GUCY2C: variants seen among roughly 807,000 people sequenced by gnomAD.
The protein encoded by GUCY2C is guanylate cyclase 2C, also known as guanylyl cyclase C.
Under a neutral mutation model 131.1 loss-of-function variants are expected in GUCY2C, and 118 were observed. The ratio of observed to expected loss-of-function variants is 0.90; its 90% CI spans 0.78 to 1.05. The LOEUF (loss-of-function observed/expected upper bound fraction) is 1.05. GUCY2C is among the 50% of genes least tolerant of loss of function. The pLI is 0.00. For synonymous variants in GUCY2C, 452 were observed against 457.8 expected (o/e 0.99, Z 0.16); for missense variants, 1,161 against 1,304.4 (o/e 0.89, Z 1.69).
intron 15 of GUCY2C, among the ~76,000 whole-genome samples, chr12:14,650,483 T>C (rs1434038838): frequency 2.0e-5 from 3 of 152,170 alleles, no homozygotes; most frequent in Admixed American, 6.5e-5. Context: ...CCTGACCTCA[T>C]GATCCGCCTG....
In GUCY2C at chr12:14,613,221, C is replaced by T. The variant is rs771413090; in HGVS notation, c.3118G>A (p.Ala1040Thr). The T allele has an allele frequency of 6.2e-7, 1 of 1,613,284 alleles. No individual in the cohort carries two copies. Among genetic ancestry groups the T allele is most frequent in the East Asian group, 2.2e-5 (1 of 44,866 alleles). ...IANSLQKRQA[A>T]GIRSQKPRRV... ...CTGGGTTTTTGGCTTCTTATCCCTGCTGCCTGTCTTTTCTGTAAAGAGTTG... is the reference window on the plus strand; with the variant it reads ...CTGGGTTTTTGGCTTCTTATCCCTGTTGCCTGTCTTTTCTGTAAAGAGTTG... The change falls in exon 27 of 27, where the codon GCA becomes ACA. Residue 1040 changes from alanine (A) to threonine (T), a missense_variant. Transcript: ENST00000261170. The surrounding 1 kb of genome is among the most constrained non-coding windows in gnomAD (Gnocchi z 4.9).
intron 10 of GUCY2C, among the ~76,000 whole-genome samples, chr12:14,662,086 C>T (rs1947879475): frequency 6.6e-6 from 1 of 151,944 alleles, no homozygotes; most frequent in East Asian, 1.9e-4. Context: ...GCAATGAATT[C>T]CCTATTAGGA....
intron 6 of GUCY2C, among the ~76,000 whole-genome samples, chr12:14,678,036 G>T (rs941240947): frequency 7.2e-5 from 11 of 152,084 alleles, no homozygotes; most frequent in Admixed American, 5.2e-4. Flanking sequence ...GGCTGGTCTT[G>T]AACTCCTAGA....
Position 14,616,713 on chromosome 12 carries a change from C to CGT in GUCY2C, c.2888_2889dup (p.Val964ThrfsTer2). 6.2e-7 allele frequency: 1 copy of CGT among 1,600,142 alleles called. No individual in the cohort carries two copies. Among genetic ancestry groups the CGT allele is most frequent in the Non-Finnish European group, 8.6e-7 (1 of 1,167,462 alleles). On this transcript the variant is annotated frameshift_variant, in exon 25 of 27. Transcript: ENST00000261170. LOFTEE classifies it high-confidence loss of function. ...AGGATGGCTATGGTGGAGCCACTCA[C>CGT]GTGAATTCTCAAAGCTGGAAATGCA... is the stretch of plus-strand genomic sequence containing the variant.
intron 6 of GUCY2C, among the ~76,000 whole-genome samples, chr12:14,678,689 T>G (rs1415963896): frequency 6.6e-6 from 1 of 152,152 alleles, no homozygotes; most frequent in Non-Finnish European, 1.5e-5. Flanking sequence ...ATGGGAAAGA[T>G]CTAGACAGGA....
intron 15 of GUCY2C, 118 bp downstream of exon 15, chr12:14,651,289 G>A (rs1947653032): frequency 1.7e-6 from 1 of 595,748 alleles, no homozygotes; most frequent in East Asian, 2.9e-5. Context: ...TGGAAAGCAT[G>A]TGACCCCACC....
At chr12:14,666,587 T>C (rs1158284237) in intron 10 of GUCY2C, among the ~76,000 whole-genome samples, 1 of 151,902 alleles carries the variant, frequency 6.6e-6, no homozygotes. Flanking sequence ...ATACAAAAAT[T>C]AGCCGGGCGT....
chr12:14,677,295 AACTT>A (rs1168266476), intron 6 of GUCY2C, among the ~76,000 whole-genome samples: 1 of 152,158 alleles, frequency 6.6e-6, no homozygotes, highest in Non-Finnish European at 1.5e-5. Flanking sequence ...TATAGGTAGA[AACTT>A]TCTTTAAGTG....
At chr12:14,681,267 C>A in intron 5 of GUCY2C, 89 bp downstream of exon 5, 1 of 1,103,712 alleles carries the variant, frequency 9.1e-7, no homozygotes, top group South Asian at 1.3e-5. Context: ...GATAGCTCTG[C>A]AGTGGAGGAT....
intron 23 of GUCY2C, 151 bp from the exon 24 acceptor site, chr12:14,619,460 G>A (rs537953391): frequency 2.4e-5 from 14 of 574,304 alleles, no homozygotes; most frequent in Admixed American, 1.2e-4. Flanking sequence ...GGGACTTTTG[G>A]TTTAAATGGA....
Position 14,612,846 on chromosome 12 carries a change from C to G in GUCY2C, c.*271G>C. The G allele has an allele frequency of 2.9e-6, 1 of 348,446 alleles. No homozygotes were observed. Among genetic ancestry groups the G allele is most frequent in the Non-Finnish European group, 5.2e-6 (1 of 193,408 alleles). The allele number at this position is 348,446 out of a possible 1,614,324, so 21.6% of individuals were successfully genotyped here. On this transcript the variant is annotated 3_prime_UTR_variant, in exon 27 of 27. Transcript: ENST00000261170. Reference sequence around the variant, plus strand: ...AATAAGAATAAAATCTTCTCAAGTTCTAGATAGTCTATTCATTTCTTTTCT... The same window carrying G: ...AATAAGAATAAAATCTTCTCAAGTTGTAGATAGTCTATTCATTTCTTTTCT...
intron 9 of GUCY2C, among the ~76,000 whole-genome samples, chr12:14,670,053 C>A (rs116072441): frequency 6.6e-6 from 1 of 152,178 alleles, no homozygotes; most frequent in South Asian, 2.1e-4. Flanking sequence ...TCTTTATGCT[C>A]ATACACTACA....
intron 6 of GUCY2C, among the ~76,000 whole-genome samples, chr12:14,677,833 G>C (rs1458943519): frequency 6.6e-6 from 1 of 151,278 alleles, no homozygotes; most frequent in Non-Finnish European, 1.5e-5. Flanking sequence ...GCCTGTCTTG[G>C]CCTCCCAAAG....
chr12:14,619,587 G>A (rs1055018130), intron 23 of GUCY2C, among the ~76,000 whole-genome samples: 3 of 152,238 alleles, frequency 2.0e-5, no homozygotes, highest in African/African-American at 7.2e-5. Context: ...TCACAAAGGT[G>A]ATTTTAAATA....
intron 20 of GUCY2C, among the ~76,000 whole-genome samples, chr12:14,627,479 T>C (rs1467877968): frequency 6.6e-6 from 1 of 152,166 alleles, no homozygotes; most frequent in Non-Finnish European, 1.5e-5. Flanking sequence ...AATCTTACTC[T>C]AGGATGAATT....
rs763866113 is a variant in GUCY2C at position 14,628,648 on chromosome 12, A to G, written c.2247T>C (p.Phe749=). 4 of 1,486,492 alleles carry G rather than the reference A, an allele frequency of 2.7e-6. No homozygotes were observed. Among genetic ancestry groups the G allele is most frequent in the Non-Finnish European group, 3.8e-6 (4 of 1,063,642 alleles). The allele number at this position is 1,486,492 out of a possible 1,614,324, so 92.1% of individuals were successfully genotyped here. The change falls in exon 20 of 27, where the codon TTT becomes TTC. Residue 749 remains phenylalanine, a splice_region_variant and synonymous_variant. Coordinates refer to ENST00000261170, the MANE Select transcript of GUCY2C (RefSeq NM_004963.4). ...AAAAGTAAACATTTCAGCAATACCCAAATATCTTGGCAAGTGTAGTCTCAA... is the reference window on the plus strand; with the variant it reads ...AAAAGTAAACATTTCAGCAATACCCGAATATCTTGGCAAGTGTAGTCTCAA... ...KKIETTLAKI[F]GLFHDQKNES... is the part of the protein sequence containing the mutation.
At chr12:14,645,780 G>C (rs921534508) in intron 15 of GUCY2C, among the ~76,000 whole-genome samples, 7 of 150,812 alleles carry the variant, frequency 4.6e-5, no homozygotes, top group Non-Finnish European at 8.9e-5. Context: ...CTGTCAATAA[G>C]AGAGATCTTG....
chr12:14,639,932 T>A lies in GUCY2C; in HGVS notation c.2087A>T (p.Glu696Val), dbSNP rs1947358956. 11 of 1,608,720 alleles carry A rather than the reference T, an allele frequency of 6.8e-6. No individual in the cohort carries two copies. Among genetic ancestry groups the A allele is most frequent in the Non-Finnish European group, 9.4e-6 (11 of 1,175,050 alleles). ...RDRNEKIFRV[E>V]NSNGMKPFRP... The stretch of plus-strand genomic sequence containing the variant: ...GAAGGGTTTCATTCCATTGGAATTT[T>A]CCACTCTGAAAATCTTCTCTGGTTG... The change falls in exon 19 of 27, where the codon GAA becomes GTA. Residue 696 changes from glutamate to valine, a missense_variant. Glu to Val is a moderately radical substitution (Grantham distance 121). Coordinates refer to ENST00000261170, the MANE Select transcript of GUCY2C (RefSeq NM_004963.4).
In GUCY2C at chr12:14,668,632, CTT is replaced by C. The variant is rs11309188; in HGVS notation, c.1282+1088_1282+1089del. Reference sequence around the variant, plus strand: ...AATAATTTTATTGATGGTATTTCTACTTTTTTTTTTTTTTTTAAATCTTTGGG... The same window carrying C: ...AATAATTTTATTGATGGTATTTCTACTTTTTTTTTTTTTTAAATCTTTGGG... On this transcript the variant is annotated intron_variant, in intron 10 of 26. Transcript: ENST00000261170. Among the ~76,000 whole-genome samples the C allele has an allele frequency of 5.1e-3, 743 of 145,440 alleles. 4 individuals are homozygous for C. The highest frequency in any genetic ancestry group is 0.011 in the Admixed American group (168 of 14,640).
Sources: gnomAD v4.1 joint callset for allele counts (sites outside exome capture counted in the v4.1 genomes callset) on GRCh38, gnomAD v4.1.1 for gene constraint, Gnocchi (gnomAD v3.1) non-coding constraint, MANE v1.5 for transcripts, NCBI Gene and HGNC (gene_info 2026-07-23, HGNC 2026-07-21) for gene names.